KCTD12: variants seen among roughly 807,000 people sequenced by gnomAD.
KCTD12 encodes potassium channel tetramerization domain containing 12, also known as BTB/POZ domain-containing protein KCTD12.
KCTD12 carries 16 observed loss-of-function variants against 22.6 expected under a neutral mutation model. That is an observed-to-expected ratio of 0.71 (90% CI 0.48 to 1.07). KCTD12 has a LOEUF of 1.07. Among genes scored for constraint, KCTD12 ranks in the 50% least tolerant of loss-of-function variants. KCTD12 has a pLI of 0.00. For synonymous variants in KCTD12, 260 were observed against 228.0 expected, an observed-to-expected ratio of 1.14 and a Z score of -1.26; for missense variants, 452 against 469.2, an observed-to-expected ratio of 0.96 and a Z score of 0.34.
chr13:76,883,710 A>C lies in KCTD12; in HGVS notation c.*1461T>G, dbSNP rs185716562. The C allele has an allele frequency of 6.5e-6, 1 of 152,782 alleles. No homozygotes were observed. The highest frequency in any genetic ancestry group is 1.9e-4 in the East Asian group (1 of 5,190). The allele number at this position is 152,782 out of a possible 1,614,324, so 9.5% of individuals were successfully genotyped here. On this transcript the variant is annotated 3_prime_UTR_variant, in exon 1 of 1. Coordinates refer to ENST00000377474, the MANE Select transcript of KCTD12 (RefSeq NM_138444.4). The stretch of plus-strand genomic sequence containing the variant: ...GAAAGGATTCCACTTAACTTCAAAC[A>C]AACTGCATGAAAGTGGCATTTTCAG...
Position 76,886,163 on chromosome 13 carries a change from C to T in KCTD12, c.-15G>A, listed in dbSNP as rs751229663. The T allele has an allele frequency of 1.2e-4, 177 of 1,459,280 alleles. No individual in the cohort carries two copies. The highest frequency in any genetic ancestry group is 1.5e-4 in the Non-Finnish European group (161 of 1,107,782). 90.4% of individuals were successfully genotyped at this position (1,459,280 alleles called of 1,614,324 possible). A position where few individuals can be genotyped will look rare whatever the true frequency, so the allele number is the denominator to read the frequency against. ...GCCAGAGCCATGACAGAGAGGTGGC[C>T]GGGCCGGGACAGTGGCAGGAAGCCG... On this transcript the variant is annotated 5_prime_UTR_variant, in exon 1 of 1. Coordinates refer to ENST00000377474, the MANE Select transcript of KCTD12 (RefSeq NM_138444.4).
At position 76,883,384 on chromosome 13, in the gene KCTD12, A is replaced by G. The variant is rs1372295913; in HGVS notation, c.*1787T>C. On this transcript the variant is annotated 3_prime_UTR_variant, in exon 1 of 1. Coordinates refer to ENST00000377474, the MANE Select transcript of KCTD12 (RefSeq NM_138444.4). The stretch of plus-strand genomic sequence containing the variant: ...AGAAAGATGCTGAAAACAAAACAAA[A>G]TAGGCTTCTCTGTCATCACAGAATA... 1 of 152,664 alleles carries G rather than the reference A, an allele frequency of 6.6e-6. No homozygotes were observed. Among genetic ancestry groups the G allele is most frequent in the Non-Finnish European group, 1.5e-5 (1 of 68,038 alleles). The allele number at this position is 152,664 out of a possible 1,614,324, so 9.5% of individuals were successfully genotyped here. A position where few individuals can be genotyped will look rare whatever the true frequency, so the allele number is the denominator to read the frequency against.
In KCTD12 at chr13:76,883,095, C is replaced by G. The variant is rs1389882462; in HGVS notation, c.*2076G>C. ...AAAACATGTTGCTTTAGTATATAAA[C>G]CAGCTGATGCAAATTACTGGGGTAA... On this transcript the variant is annotated 3_prime_UTR_variant, in exon 1 of 1. Coordinates refer to ENST00000377474, the MANE Select transcript of KCTD12 (RefSeq NM_138444.4). 6.6e-6 allele frequency: 1 copy of G among 152,092 alleles called. No homozygotes were observed. The highest frequency in any genetic ancestry group is 1.5e-5 in the Non-Finnish European group (1 of 68,022). 9.4% of individuals were successfully genotyped at this position (152,092 alleles called of 1,614,324 possible).
chr13:76,885,845 C>G lies in KCTD12; in HGVS notation c.304G>C (p.Val102Leu). ...CGCTCGGGGAAGTAGTCGGGCAGCACGAGCTGCAAGTCCCGCAGGTAATCC... is the reference window on the plus strand; with the variant it reads ...CGCTCGGGGAAGTAGTCGGGCAGCAGGAGCTGCAAGTCCCGCAGGTAATCC... The part of the protein sequence containing the change: ...ILDYLRDLQL[V>L]LPDYFPERSR... Residue 102 changes from valine to leucine, a missense_variant, in exon 1 of 1, where the codon GTG becomes CTG. Val to Leu is a conservative substitution (Grantham distance 32). Transcript: ENST00000377474. This position sits in a 1 kb window ranked among gnomAD's most constrained non-coding sequence, Gnocchi z 5.1. The G allele has an allele frequency of 1.3e-6, 2 of 1,596,410 alleles. No homozygotes were observed. The highest frequency in any genetic ancestry group is 1.1e-5 in the South Asian group (1 of 90,680).
Position 76,886,092 on chromosome 13 carries a change from G to C in KCTD12, c.57C>G (p.Gly19=), listed in dbSNP as rs2137704676. 1 of 1,543,982 alleles carries C rather than the reference G, an allele frequency of 6.5e-7. No individual in the cohort carries two copies. Among genetic ancestry groups the C allele is most frequent in the African/African-American group, 1.4e-5 (1 of 72,848 alleles). The change falls in exon 1 of 1, where the codon GGC becomes GGG. Residue 19 remains glycine (G), a synonymous_variant. Transcript: ENST00000377474. ...GLPNGGGGGG[G]SGSSSSSAEP... ...CCGCGGAGGACGACGAGGAGCCACT[G>C]CCGCCCCCGCCGCCGCCCCCGTTGG... is the stretch of plus-strand genomic sequence containing the variant.
At position 76,885,804 on chromosome 13, in the gene KCTD12, G is replaced by A. The variant is rs761112828; in HGVS notation, c.345C>T (p.Arg115=). The A allele has an allele frequency of 9.4e-6, 15 of 1,592,394 alleles. No individual in the cohort carries two copies. Among genetic ancestry groups the A allele is most frequent in the Admixed American group, 5.1e-5 (3 of 59,316 alleles). The part of the protein sequence containing the change: ...DYFPERSRLQ[R]EAEYFELPEL... ...CTGGCAGCTCGAAGTACTCGGCCTC[G>A]CGCTGCAGCCGGCTGCGCTCGGGGA... Residue 115 remains arginine, a synonymous_variant, in exon 1 of 1, where the codon CGC becomes CGT. Transcript: ENST00000377474. The surrounding 1 kb of genome is among the most constrained non-coding windows in gnomAD (Gnocchi z 5.1).
rs759413026 is a variant in KCTD12 at position 76,886,116 on chromosome 13, G to T, written c.33C>A (p.Pro11=). 1 of 1,537,886 alleles carries T rather than the reference G, an allele frequency of 6.5e-7. No homozygotes were observed. The highest frequency in any genetic ancestry group is 2.0e-5 in the Admixed American group (1 of 49,986). The stretch of plus-strand genomic sequence containing the variant: ...TGCCGCCCCCGCCGCCGCCCCCGTT[G>T]GGTAATCCACGTGTGCTGTCCGCCA... The part of the protein sequence containing the change: MALADSTRGL[P]NGGGGGGGSG... The change falls in exon 1 of 1, where the codon CCC becomes CCA. Residue 11 remains proline, a synonymous_variant. Transcript: ENST00000377474.
Position 76,885,767 on chromosome 13 carries a change from G to C in KCTD12, c.382C>G (p.Arg128Gly), listed in dbSNP as rs1593866985. 7 of 1,534,960 alleles carry C rather than the reference G, an allele frequency of 4.6e-6. No individual in the cohort carries two copies. The highest frequency in any genetic ancestry group is 2.8e-5 in the African/African-American group (2 of 70,214). The change falls in exon 1 of 1, where the codon CGC (arginine) becomes GGC (glycine). Residue 128 changes from arginine to glycine, a missense_variant. Coordinates refer to ENST00000377474, the MANE Select transcript of KCTD12 (RefSeq NM_138444.4). The surrounding 1 kb of genome is among the most constrained non-coding windows in gnomAD (Gnocchi z 5.1). ...CCGGGCTGCTGGGGCGCCCCGAGGCGGCGCACGAGCTCTGGCAGCTCGAAG... is the reference window on the plus strand; with the variant it reads ...CCGGGCTGCTGGGGCGCCCCGAGGCCGCGCACGAGCTCTGGCAGCTCGAAG... The part of the protein sequence containing the change: ...EYFELPELVR[R>G]LGAPQQPGPG...
chr13:76,886,163 CG>C lies in KCTD12; in HGVS notation c.-16del. The C allele has an allele frequency of 6.9e-7, 1 of 1,459,280 alleles. No individual in the cohort carries two copies. The highest frequency in any genetic ancestry group is 9.0e-7 in the Non-Finnish European group (1 of 1,107,782). The allele number at this position is 1,459,280 out of a possible 1,614,324, so 90.4% of individuals were successfully genotyped here. ...GCCAGAGCCATGACAGAGAGGTGGC[CG>C]GGCCGGGACAGTGGCAGGAAGCCGC... is the stretch of plus-strand genomic sequence containing the variant. On this transcript the variant is annotated 5_prime_UTR_variant, in exon 1 of 1. Coordinates refer to ENST00000377474, the MANE Select transcript of KCTD12 (RefSeq NM_138444.4).
rs960038477 is a variant in KCTD12 at position 76,880,229 on chromosome 13, C to T, written c.*4942G>A. Reference sequence around the variant, plus strand: ...GTTTAATTGAATACATAACAAGTCACATAATCAATGATTCATTACTTCACA... The same window carrying T: ...GTTTAATTGAATACATAACAAGTCATATAATCAATGATTCATTACTTCACA... On this transcript the variant is annotated 3_prime_UTR_variant, in exon 1 of 1. Transcript: ENST00000377474. 1 of 152,620 alleles carries T rather than the reference C, an allele frequency of 6.6e-6. No homozygotes were observed. Among genetic ancestry groups the T allele is most frequent in the Non-Finnish European group, 1.5e-5 (1 of 68,036 alleles). The allele number at this position is 152,620 out of a possible 1,614,324, so 9.5% of individuals were successfully genotyped here.
chr13:76,885,387 G>C lies in KCTD12; in HGVS notation c.762C>G (p.Asn254Lys), dbSNP rs1444290514. Residue 254 changes from asparagine to lysine, a missense_variant, in exon 1 of 1, where the codon AAC becomes AAG. Physicochemically the swap from Asn to Lys is moderately conservative, Grantham distance 94. This residue lies in a region of KCTD12 where 122 missense variants were observed against 172.8 expected (regional missense o/e 0.71). Transcript: ENST00000377474. This position sits in a 1 kb window ranked among gnomAD's most constrained non-coding sequence, Gnocchi z 5.1. ...GGGGACGGTCGGGGTCCCGGCTTTC[G>C]TTCAGGGTGTCCCCAAACACCTCCT... ...LAKEVFGDTL[N>K]ESRDPDRPPE... 6.2e-7 allele frequency: 1 copy of C among 1,613,672 alleles called. No homozygotes were observed. The highest frequency in any genetic ancestry group is 8.5e-7 in the Non-Finnish European group (1 of 1,180,008).
chr13:76,885,931 G>A lies in KCTD12; in HGVS notation c.218C>T (p.Ala73Val), dbSNP rs761710814. ...AAAGAAGCGGCCTTTGCTGTCCCGGGCCAGCTCCTGCGGCTGCTGCTGCGT... is the reference window on the plus strand; with the variant it reads ...AAAGAAGCGGCCTTTGCTGTCCCGGACCAGCTCCTGCGGCTGCTGCTGCGT... ...MFTQQQPQEL[A>V]RDSKGRFFLD... Residue 73 changes from alanine (A) to valine (V), a missense_variant, in exon 1 of 1, where the codon GCC becomes GTC. By Grantham distance (64) the Ala-to-Val change is moderately conservative (BLOSUM62 0). This residue lies in a region of KCTD12 where 330 missense variants were observed against 296.5 expected (regional missense o/e 1.11). Transcript: ENST00000377474. This position sits in a 1 kb window ranked among gnomAD's most constrained non-coding sequence, Gnocchi z 5.1. 6 of 1,593,470 alleles carry A rather than the reference G, an allele frequency of 3.8e-6. No homozygotes were observed. The African/African-American group carries it at 4.0e-5, about 11-fold the overall frequency.
chr13:76,885,815 G>C lies in KCTD12; in HGVS notation c.334C>G (p.Arg112Gly), dbSNP rs1485937261. 2 of 1,593,958 alleles carry C rather than the reference G, an allele frequency of 1.3e-6. No homozygotes were observed. Among genetic ancestry groups the C allele is most frequent in the Non-Finnish European group, 1.7e-6 (2 of 1,178,232 alleles). Residue 112 changes from arginine (R) to glycine (G), a missense_variant, in exon 1 of 1, where the codon CGG becomes GGG. By Grantham distance (125) the Arg-to-Gly change is moderately radical (BLOSUM62 -2). Transcript: ENST00000377474. This position sits in a 1 kb window ranked among gnomAD's most constrained non-coding sequence, Gnocchi z 5.1. The stretch of plus-strand genomic sequence containing the variant: ...AAGTACTCGGCCTCGCGCTGCAGCC[G>C]GCTGCGCTCGGGGAAGTAGTCGGGC... ...VLPDYFPERS[R>G]LQREAEYFEL...
chr13:76,884,000 G>A lies in KCTD12; in HGVS notation c.*1171C>T, dbSNP rs1040927204. The A allele has an allele frequency of 2.6e-5, 4 of 152,552 alleles. No individual in the cohort carries two copies. The highest frequency in any genetic ancestry group is 9.7e-5 in the African/African-American group (4 of 41,406). The allele number at this position is 152,552 out of a possible 1,614,324, so 9.4% of individuals were successfully genotyped here. A position where few individuals can be genotyped will look rare whatever the true frequency, so the allele number is the denominator to read the frequency against. The stretch of plus-strand genomic sequence containing the variant: ...TTAAGTAAACTGCCAGGTAAGAGTA[G>A]GTCTGTTATTAATCTTTATAAAATA... On this transcript the variant is annotated 3_prime_UTR_variant, in exon 1 of 1. Coordinates refer to ENST00000377474, the MANE Select transcript of KCTD12 (RefSeq NM_138444.4).
Position 76,880,773 on chromosome 13 carries a change from A to G in KCTD12, c.*4398T>C, listed in dbSNP as rs895934024. The G allele has an allele frequency of 1.3e-5, 2 of 152,344 alleles. No individual in the cohort carries two copies. The highest frequency in any genetic ancestry group is 2.9e-5 in the Non-Finnish European group (2 of 68,006). The allele number at this position is 152,344 out of a possible 1,614,324, so 9.4% of individuals were successfully genotyped here. On this transcript the variant is annotated 3_prime_UTR_variant, in exon 1 of 1. Coordinates refer to ENST00000377474, the MANE Select transcript of KCTD12 (RefSeq NM_138444.4). ...CAAAAACAGTTGTATAATAGTTTAC[A>G]TTACAATTAATGTACCCATACCTCA... is the stretch of plus-strand genomic sequence containing the variant.
rs1397477969 is a variant in KCTD12, at chr13:76,881,021, G to A, written c.*4150C>T. 6.6e-6 allele frequency: 1 copy of A among 152,140 alleles called. No individual in the cohort carries two copies. The highest frequency in any genetic ancestry group is 1.5e-5 in the Non-Finnish European group (1 of 67,986). The allele number at this position is 152,140 out of a possible 1,614,324, so 9.4% of individuals were successfully genotyped here. A position where few individuals can be genotyped will look rare whatever the true frequency, so the allele number is the denominator to read the frequency against. On this transcript the variant is annotated 3_prime_UTR_variant, in exon 1 of 1. Coordinates refer to ENST00000377474, the MANE Select transcript of KCTD12 (RefSeq NM_138444.4). Reference sequence around the variant, plus strand: ...TGTCCAAAACTGTTGACAAAGAAAAGCTAACTTCAACATAACTTGTTTCTG... The same window carrying A: ...TGTCCAAAACTGTTGACAAAGAAAAACTAACTTCAACATAACTTGTTTCTG...
rs2033243369 is a variant in KCTD12, at chr13:76,884,865, T to C, written c.*306A>G. On this transcript the variant is annotated 3_prime_UTR_variant, in exon 1 of 1. Transcript: ENST00000377474. ...CCAATAGATCCAAACTGAAGTACCA[T>C]CTGGGGGAGGGGTGGTTTGAGGCAG... 2 of 348,334 alleles carry C rather than the reference T, an allele frequency of 5.7e-6. No homozygotes were observed. The highest frequency in any genetic ancestry group is 2.2e-5 in the African/African-American group (1 of 45,232). 21.6% of individuals were successfully genotyped at this position (348,334 alleles called of 1,614,324 possible).
rs747710188 is a variant in KCTD12, at chr13:76,880,989, TTTTTA to T, written c.*4177_*4181del. The T allele has an allele frequency of 2.0e-5, 3 of 152,326 alleles. No individual in the cohort carries two copies. The highest frequency in any genetic ancestry group is 4.4e-5 in the Non-Finnish European group (3 of 67,996). 9.4% of individuals were successfully genotyped at this position (152,326 alleles called of 1,614,324 possible). A position where few individuals can be genotyped will look rare whatever the true frequency, so the allele number is the denominator to read the frequency against. On this transcript the variant is annotated 3_prime_UTR_variant, in exon 1 of 1. Coordinates refer to ENST00000377474, the MANE Select transcript of KCTD12 (RefSeq NM_138444.4). The stretch of plus-strand genomic sequence containing the variant: ...AAAATCAAGTGTTAATACTTTCAGA[TTTTTA>T]TTGTCCAAAACTGTTGACAAAGAAA...
Position 76,885,774 on chromosome 13 carries a change from G to T in KCTD12, c.375C>A (p.Leu125=), listed in dbSNP as rs1459823236. Residue 125 remains leucine (L), a synonymous_variant, in exon 1 of 1, where the codon CTC becomes CTA. Coordinates refer to ENST00000377474, the MANE Select transcript of KCTD12 (RefSeq NM_138444.4). This position sits in a 1 kb window ranked among gnomAD's most constrained non-coding sequence, Gnocchi z 5.1. ...GCTGGGGCGCCCCGAGGCGGCGCACGAGCTCTGGCAGCTCGAAGTACTCGG... is the reference window on the plus strand; with the variant it reads ...GCTGGGGCGCCCCGAGGCGGCGCACTAGCTCTGGCAGCTCGAAGTACTCGG... The part of the protein sequence containing the change: ...REAEYFELPE[L]VRRLGAPQQP... The T allele has an allele frequency of 6.4e-7, 1 of 1,554,106 alleles. No homozygotes were observed. Among genetic ancestry groups the T allele is most frequent in the Non-Finnish European group, 8.6e-7 (1 of 1,160,932 alleles).
Sources: allele counts gnomAD v4.1 joint callset, GRCh38; gene constraint gnomAD v4.1.1; regional missense constraint gnomAD v4.1.1; non-coding constraint Gnocchi (gnomAD v3.1); transcripts MANE v1.5; gene names NCBI Gene and HGNC (gene_info 2026-07-23, HGNC 2026-07-21).